CELF6: variants seen among roughly 807,000 people sequenced by gnomAD.
CELF6 encodes the protein Bruno -like 6, RNA binding protein.
Under a neutral mutation model 53.1 loss-of-function variants are expected in CELF6, and 32 were observed. That is an observed-to-expected ratio of 0.60 (90% CI 0.46 to 0.81). CELF6 has a LOEUF of 0.81. CELF6 is among the 30% of genes least tolerant of loss of function. CELF6 has a pLI of 0.00. For missense variants in CELF6, 539 were observed against 669.5 expected (o/e 0.81, Z 2.15); for synonymous variants, 291 against 288.8 (o/e 1.01, Z -0.08).
Position 72,289,538 on chromosome 15 carries a change from G to A in CELF6, c.748-31C>T. 6.7e-7 allele frequency: 1 copy of A among 1,496,470 alleles called. No homozygotes were observed. Among genetic ancestry groups the A allele is most frequent in the Non-Finnish European group, 8.9e-7 (1 of 1,127,190 alleles). The allele number at this position is 1,496,470 out of a possible 1,614,324, so 92.7% of individuals were successfully genotyped here. ...AGAGGAAAGATGGGCGAGAGTGGAG[G>A]GCCAAGGGGCAGGCAGCTGCCCGTG... On this transcript the variant is annotated intron_variant, in intron 6 of 12. Transcript: ENST00000287202. The surrounding 1 kb of genome is among the most constrained non-coding windows in gnomAD (Gnocchi z 7.6).
In CELF6 at chr15:72,319,490, G is replaced by A. The variant is rs539372158; in HGVS notation, c.262+123C>T. On this transcript the variant is annotated intron_variant, in intron 1 of 12. Transcript: ENST00000287202. The surrounding 1 kb of genome is among the most constrained non-coding windows in gnomAD (Gnocchi z 5.0). ...GATCTGGGAAGGGGGCTGGGCTGAG[G>A]TGGGGCTGATATTGGACTGGTGTTG... The A allele has an allele frequency of 2.6e-5, 28 of 1,074,546 alleles. No homozygotes were observed. The South Asian group carries it at 4.5e-4, about 17-fold the overall frequency. The allele number at this position is 1,074,546 out of a possible 1,614,324, so 66.6% of individuals were successfully genotyped here. A position where few individuals can be genotyped will look rare whatever the true frequency, so the allele number is the denominator to read the frequency against.
chr15:72,295,030 C>G (rs1018088773), intron 3 of CELF6, among the ~76,000 whole-genome samples: 1 of 143,026 alleles, frequency 7.0e-6, no homozygotes, highest in Non-Finnish European at 1.5e-5. Context: ...GCAATAGCAT[C>G]GAAAAGAATA....
chr15:72,302,879 C>A (rs1329079467), intron 3 of CELF6, among the ~76,000 whole-genome samples: 2 of 152,208 alleles, frequency 1.3e-5, no homozygotes, highest in Non-Finnish European at 2.9e-5. Context: ...TTTGATCTTC[C>A]AGACTGGGTT....
chr15:72,310,055 T>G (rs1595784808), intron 2 of CELF6, among the ~76,000 whole-genome samples: 1 of 152,170 alleles, frequency 6.6e-6, no homozygotes, highest in South Asian at 2.1e-4. Context: ...AAACCCTACC[T>G]AACTCTCTGC....
chr15:72,318,508 C>T (rs2009365), intron 1 of CELF6, among the ~76,000 whole-genome samples: 127,322 of 152,038 alleles, frequency 0.84, 57,095 homozygotes, highest in South Asian at 0.99. Flanking sequence ...TAAGAGTGTT[C>T]CTTCTCAAAT....
chr15:72,296,763 C>T (rs1204045047), intron 3 of CELF6, among the ~76,000 whole-genome samples: 1 of 152,078 alleles, frequency 6.6e-6, no homozygotes, highest in Admixed American at 6.6e-5. Context: ...CACCTCACAC[C>T]GATTAGGATG....
At position 72,289,154 on chromosome 15, in the gene CELF6, C is replaced by T; in HGVS notation, c.1014G>A (p.Gly338=). 1 of 1,544,070 alleles carries T rather than the reference C, an allele frequency of 6.5e-7. No homozygotes were observed. Among genetic ancestry groups the T allele is most frequent in the South Asian group, 1.3e-5 (1 of 79,940 alleles). The change falls in exon 8 of 13, where the codon GGG becomes GGA. Residue 338 remains glycine (G), a synonymous_variant. Coordinates refer to ENST00000287202, the MANE Select transcript of CELF6 (RefSeq NM_052840.5). The surrounding 1 kb of genome is among the most constrained non-coding windows in gnomAD (Gnocchi z 7.6). ...QPGSDTLYNN[G]LSPYPAQSPG... ...GGGGCCCACCTGGATAAGGGGAGAG[C>T]CCGTTATTGTAGAGCGTGTCGGAGC...
intron 3 of CELF6, chr15:72,292,165 G>T (rs1467933165): frequency 2.0e-6 from 3 of 1,484,114 alleles, no homozygotes; most frequent in Non-Finnish European, 2.7e-6. Context: ...CTCCCTAGAG[G>T]GGCTCCAAGG....
intron 3 of CELF6, among the ~76,000 whole-genome samples, chr15:72,301,108 C>A (rs532294207): frequency 6.6e-6 from 1 of 152,006 alleles, no homozygotes; most frequent in Non-Finnish European, 1.5e-5. Context: ...CTCAGCCTCC[C>A]GAGTAGCTGG....
intron 2 of CELF6, among the ~76,000 whole-genome samples, chr15:72,310,314 AC>A (rs1212411717): frequency 4.0e-5 from 6 of 151,310 alleles, no homozygotes; most frequent in Non-Finnish European, 5.9e-5. Context: ...GTTTTACCTC[AC>A]CCCCCTCCTC....
At position 72,292,134 on chromosome 15, in the gene CELF6, T is replaced by C. The variant is rs187673104; in HGVS notation, c.395-1879A>G. The stretch of plus-strand genomic sequence containing the variant: ...CAGAAAAGGAGGGGTGGAGTTCATC[T>C]TGCTTGATCCTCCCCTAATACTCCC... On this transcript the variant is annotated intron_variant, in intron 3 of 12. Transcript: ENST00000287202. 6.9e-5 allele frequency: 82 copies of C among 1,182,180 alleles called. No homozygotes were observed. In the African/African-American group the frequency reaches 1.2e-3, roughly 17 times the overall value. The allele number at this position is 1,182,180 out of a possible 1,614,324, so 73.2% of individuals were successfully genotyped here. A position where few individuals can be genotyped will look rare whatever the true frequency, so the allele number is the denominator to read the frequency against.
Position 72,319,926 on chromosome 15 carries a change from CCGTCCCCTCCCT to C in CELF6, c.-64_-53del. ...GGTCCCACTGGTCCCGCCTGTCCCGCCGTCCCCTCCCTGGACCGGTGGCGAGGGCCAGGGGGA... is the reference window on the plus strand; with the variant it reads ...GGTCCCACTGGTCCCGCCTGTCCCGCGGACCGGTGGCGAGGGCCAGGGGGA... On this transcript the variant is annotated 5_prime_UTR_variant, in exon 1 of 13. Transcript: ENST00000287202. The surrounding 1 kb of genome is among the most constrained non-coding windows in gnomAD (Gnocchi z 5.0). 1 of 1,410,498 alleles carries C rather than the reference CCGTCCCCTCCCT, an allele frequency of 7.1e-7. No individual in the cohort carries two copies. Among genetic ancestry groups the C allele is most frequent in the South Asian group, 1.6e-5 (1 of 63,776 alleles). 87.4% of individuals were successfully genotyped at this position (1,410,498 alleles called of 1,614,324 possible).
intron 3 of CELF6, among the ~76,000 whole-genome samples, chr15:72,291,967 G>A (rs76415797): frequency 0.013 from 1,952 of 152,316 alleles, 22 homozygotes; most frequent in Non-Finnish European, 0.02. Context: ...GCTTCTGGGG[G>A]TGTCAGCCAC....
intron 2 of CELF6, chr15:72,313,583 G>A (rs1308197517): frequency 3.8e-5 from 6 of 157,556 alleles, no homozygotes; most frequent in Non-Finnish European, 5.5e-5. Context: ...TTCAACTGCT[G>A]CCCTCTGTAG....
rs200190765 is a variant in CELF6 at position 72,289,631 on chromosome 15, G to C, written c.743C>G (p.Thr248Arg). 6.7e-7 allele frequency: 1 copy of C among 1,503,278 alleles called. No individual in the cohort carries two copies. The highest frequency in any genetic ancestry group is 1.4e-5 in the African/African-American group (1 of 69,744). The allele number at this position is 1,503,278 out of a possible 1,614,324, so 93.1% of individuals were successfully genotyped here. The change falls in exon 6 of 13, where the codon ACG (threonine) becomes AGG (arginine). Residue 248 changes from threonine (T) to arginine (R), a missense_variant. Physicochemically the swap from Thr to Arg is moderately conservative, Grantham distance 71. Around this residue, in one of 3 missense-constraint regions of CELF6, gnomAD observed 358 missense variants for 412.8 expected, o/e 0.87. Transcript: ENST00000287202. This position sits in a 1 kb window ranked among gnomAD's most constrained non-coding sequence, Gnocchi z 7.6. Reference protein sequence around the residue: ...LPLGACGAYTTAILQHQAALL... With the variant: ...LPLGACGAYTRAILQHQAALL... ...ACGCAGGTGCCCGGTACCTACCGCC[G>C]TGGTGTAGGCGCCGCAGGCCCCTAG...
chr15:72,309,324 A>G (rs1166622892), intron 2 of CELF6, among the ~76,000 whole-genome samples: 1 of 152,266 alleles, frequency 6.6e-6, no homozygotes, highest in African/African-American at 2.4e-5. Flanking sequence ...AGAGGCAAGA[A>G]GATCAGTGGC....
chr15:72,297,143 A>G (rs774580353), intron 3 of CELF6, among the ~76,000 whole-genome samples: 1 of 152,224 alleles, frequency 6.6e-6, no homozygotes, highest in Admixed American at 6.5e-5. Flanking sequence ...TTTATGGTGA[A>G]GATGATTGAA....
At chr15:72,304,031 C>A (rs546851063) in intron 3 of CELF6, among the ~76,000 whole-genome samples, 1 of 151,942 alleles carries the variant, frequency 6.6e-6, no homozygotes, top group Non-Finnish European at 1.5e-5. Flanking sequence ...CTACCACACC[C>A]GGCTAATTTA....
intron 11 of CELF6, 134 bp from the exon 12 acceptor site, chr15:72,287,526 G>T: frequency 1.0e-6 from 1 of 976,310 alleles, no homozygotes; most frequent in Non-Finnish European, 1.5e-6. Context: ...TGTTTGTGTG[G>T]ATACAGAGTC....
Sources: gnomAD v4.1 joint callset for allele counts (sites outside exome capture counted in the v4.1 genomes callset) on GRCh38, gnomAD v4.1.1 for gene constraint, gnomAD v4.1.1 regional missense constraint, Gnocchi (gnomAD v3.1) non-coding constraint, MANE v1.5 for transcripts, NCBI Gene and HGNC (gene_info 2026-07-23, HGNC 2026-07-21) for gene names.